The following DNAH8 variants were observed in gnomAD, a reference collection of about 807,000 sequenced individuals.
DNAH8 encodes the protein dynein axonemal heavy chain 8.
In DNAH8, 382 loss-of-function variants were observed where a neutral mutation model predicts 562.1. The ratio of observed to expected loss-of-function variants is 0.68; its 90% CI spans 0.63 to 0.74. The LOEUF is 0.74. DNAH8 is among the 30% of genes least tolerant of loss of function. DNAH8 has a pLI of 0.00. For missense variants in DNAH8, 5,203 were observed against 5,620.4 expected (o/e 0.93, Z 2.37); for synonymous variants, 1,881 against 1,919.4 (o/e 0.98, Z 0.52).
At position 38,872,710 on chromosome 6, in the gene DNAH8, G is replaced by A; in HGVS notation, c.7165G>A (p.Asp2389Asn). 6.2e-7 allele frequency: 1 copy of A among 1,614,082 alleles called. No homozygotes were observed. The highest frequency in any genetic ancestry group is 8.5e-7 in the Non-Finnish European group (1 of 1,179,986). ...TGCACCTCAGATGTTTGGCAGACTG[G>A]ACACTGCTACCAATGACTGGACAGA... ...ITAPQMFGRL[D>N]TATNDWTDGI... Residue 2389 changes from aspartate (D) to asparagine (N), a missense_variant, in exon 50 of 93, where the codon GAC becomes AAC. By Grantham distance (23) the Asp-to-Asn change is conservative. Transcript: ENST00000327475.
chr6:38,843,455 A>C (rs1371751885), intron 35 of DNAH8, among the ~76,000 whole-genome samples: 1 of 152,030 alleles, frequency 6.6e-6, no homozygotes, highest in Non-Finnish European at 1.5e-5. Context: ...AAATCTATAG[A>C]TTTATAGATG....
chr6:39,024,704 A>C (rs1175075276), intron 91 of DNAH8, among the ~76,000 whole-genome samples: 1 of 152,208 alleles, frequency 6.6e-6, no homozygotes, highest in East Asian at 1.9e-4. Flanking sequence ...ATGCTGATCA[A>C]ATCCCCTGAA....
At chr6:38,827,026 C>T (rs1221416796) in intron 29 of DNAH8, among the ~76,000 whole-genome samples, 1 of 152,148 alleles carries the variant, frequency 6.6e-6, no homozygotes, top group Non-Finnish European at 1.5e-5. Flanking sequence ...CATGTTGCTC[C>T]TGGAGGCTCT....
At chr6:38,821,338 A>G (rs1772818853) in intron 26 of DNAH8, among the ~76,000 whole-genome samples, 1 of 152,206 alleles carries the variant, frequency 6.6e-6, no homozygotes, top group Non-Finnish European at 1.5e-5. Flanking sequence ...CTATGAAGAG[A>G]TACATCATGC....
chr6:38,769,643 T>TTA (rs745860809), intron 11 of DNAH8, among the ~76,000 whole-genome samples: 36 of 152,112 alleles, frequency 2.4e-4, no homozygotes, highest in Non-Finnish European at 8.8e-5. Flanking sequence ...TATCCATAGG[T>TTA]TATGTTACAT....
intron 56 of DNAH8, among the ~76,000 whole-genome samples, chr6:38,884,676 C>G (rs1277621653): frequency 1.3e-5 from 2 of 152,148 alleles, no homozygotes; most frequent in Non-Finnish European, 2.9e-5. Flanking sequence ...TCTCTTCTGC[C>G]TTTCTGCAGG....
rs1030542171 is a variant in DNAH8, at chr6:38,770,329, T to TGTGTGA, written c.1618-82_1618-77dup. On this transcript the variant is annotated intron_variant, in intron 11 of 92. Coordinates refer to ENST00000327475, the MANE Select transcript of DNAH8 (RefSeq NM_001206927.2). The stretch of plus-strand genomic sequence containing the variant: ...CAGATTTTCACAGTTTGATCAGTTC[T>TGTGTGA]GTGTGAGGGTAGAGTTTTTGAATTT... 44 of 810,368 alleles carry TGTGTGA rather than the reference T, an allele frequency of 5.4e-5. No homozygotes were observed. In the African/African-American group the frequency reaches 6.5e-4, roughly 12 times the overall value. The allele number at this position is 810,368 out of a possible 1,614,324, so 50.2% of individuals were successfully genotyped here. A position where few individuals can be genotyped will look rare whatever the true frequency, so the allele number is the denominator to read the frequency against.
chr6:38,981,267 C>T (rs1167720441), intron 85 of DNAH8, among the ~76,000 whole-genome samples: 1 of 152,104 alleles, frequency 6.6e-6, no homozygotes, highest in African/African-American at 2.4e-5. Context: ...ATAGGAAAAG[C>T]TGATGCCATA....
intron 32 of DNAH8, among the ~76,000 whole-genome samples, chr6:38,835,743 G>A (rs1774226280): frequency 6.6e-6 from 1 of 152,118 alleles, no homozygotes; most frequent in African/African-American, 2.4e-5. Flanking sequence ...GGTGAGGAAC[G>A]AGGTGACAGA....
intron 30 of DNAH8, among the ~76,000 whole-genome samples, chr6:38,830,558 C>T (rs1158775399): frequency 1.3e-5 from 2 of 149,292 alleles, no homozygotes; most frequent in Non-Finnish European, 3.0e-5. Flanking sequence ...AGACGTGAAC[C>T]CAGGAGGCGG....
chr6:39,022,732 C>T (rs1767012200), intron 91 of DNAH8, among the ~76,000 whole-genome samples: 1 of 152,154 alleles, frequency 6.6e-6, no homozygotes. Context: ...ACATGTTCCC[C>T]TTGGGTGTCT....
chr6:38,753,799 C>A (rs895047481), intron 9 of DNAH8, among the ~76,000 whole-genome samples: 15 of 151,916 alleles, frequency 9.9e-5, no homozygotes, highest in African/African-American at 3.4e-4. Context: ...CATGGATGTG[C>A]CTTATTATTG....
At position 38,805,757 on chromosome 6, in the gene DNAH8, A is replaced by G. The variant is rs12192848; in HGVS notation, c.3150+161A>G. Among the ~76,000 whole-genome samples, 28,419 of 152,168 alleles carry G rather than the reference A, an allele frequency of 0.19. 2,832 individuals carry two copies. Among genetic ancestry groups the G allele is most frequent in the African/African-American group, 0.2 (8,293 of 41,522 alleles). On this transcript the variant is annotated intron_variant, in intron 23 of 92. Transcript: ENST00000327475. ...CAATTTTATACTGTAGGATCAGGCA[A>G]TCCTTTAAGTTTTCCCCAGTATCAC...
chr6:38,821,980 C>A (rs1181632877), intron 26 of DNAH8, among the ~76,000 whole-genome samples: 1 of 152,118 alleles, frequency 6.6e-6, no homozygotes, highest in Non-Finnish European at 1.5e-5. Flanking sequence ...ATTTTGGATT[C>A]TTTTATCTCT....
rs750240351 is a variant in DNAH8 at position 38,737,201 on chromosome 6, A to G, written c.897A>G (p.Glu299=). The part of the protein sequence containing the change: ...WGALNQSKQG[E]SEKHIFTETI... ...CTTTAAACCAGTCCAAGCAGGGAGA[A>G]TCTGAAAAACATATTTTCACTGAAA... is the stretch of plus-strand genomic sequence containing the variant. Residue 299 remains glutamate, a synonymous_variant, in exon 6 of 93, where the codon GAA becomes GAG. Coordinates refer to ENST00000327475, the MANE Select transcript of DNAH8 (RefSeq NM_001206927.2). 2 of 1,529,504 alleles carry G rather than the reference A, an allele frequency of 1.3e-6. No individual in the cohort carries two copies. The highest frequency in any genetic ancestry group is 1.3e-5 in the South Asian group (1 of 76,056). 94.7% of individuals were successfully genotyped at this position (1,529,504 alleles called of 1,614,324 possible).
chr6:38,820,497 G>A (rs1291651564), intron 26 of DNAH8, among the ~76,000 whole-genome samples: 7 of 152,104 alleles, frequency 4.6e-5, no homozygotes, highest in Middle Eastern at 3.2e-3. Context: ...AACCACCAGG[G>A]TAGGGAAGGA....
chr6:38,971,361 C>G (rs957026187), intron 82 of DNAH8, among the ~76,000 whole-genome samples: 1 of 152,142 alleles, frequency 6.6e-6, no homozygotes, highest in Non-Finnish European at 1.5e-5. Flanking sequence ...GCCTTTTTCT[C>G]TCCCTTCCTG....
Position 38,863,709 on chromosome 6 carries a change from C to T in DNAH8, c.6311-164C>T, listed in dbSNP as rs114604651. Among the ~76,000 whole-genome samples the T allele has an allele frequency of 2.0e-3, 303 of 152,310 alleles. 3 individuals carry two copies. Among genetic ancestry groups the T allele is most frequent in the African/African-American group, 6.8e-3 (281 of 41,558 alleles). ...TGAAAATATACAAATAATTAAACCT[C>T]TCTTTATCACTGGAATTAAATATGT... On this transcript the variant is annotated intron_variant, in intron 44 of 92. Coordinates refer to ENST00000327475, the MANE Select transcript of DNAH8 (RefSeq NM_001206927.2).
chr6:38,750,852 A>G (rs567439358), intron 9 of DNAH8, among the ~76,000 whole-genome samples: 2 of 152,304 alleles, frequency 1.3e-5, no homozygotes, highest in African/African-American at 4.8e-5. Flanking sequence ...TTGGGGAAAA[A>G]CATCCTGCCA....
Sources: allele counts gnomAD v4.1 joint callset (sites outside exome capture counted in the v4.1 genomes callset), GRCh38; gene constraint gnomAD v4.1.1; transcripts MANE v1.5; gene names NCBI Gene and HGNC (gene_info 2026-07-23, HGNC 2026-07-21).